Variants in RGS22 observed in about 807,000 individuals in gnomAD.
The protein encoded by RGS22 is regulator of G-protein signaling 22.
A neutral mutation model predicts 172.9 loss-of-function variants in RGS22; 148 were observed. That is an observed-to-expected ratio of 0.86 (90% CI 0.75 to 0.98). RGS22 has a LOEUF of 0.98. Ranked by LOEUF, RGS22 falls within the 50% of genes least tolerant of loss-of-function variation. The pLI is 0.00. For missense variants in RGS22, 1,347 were observed against 1,440.8 expected (o/e 0.93, Z 1.05); for synonymous variants, 458 against 480.2 (o/e 0.95, Z 0.60).
intron 14 of RGS22, among the ~76,000 whole-genome samples, chr8:100,032,036 ACAAC>A (rs1449697875): frequency 2.0e-5 from 3 of 152,234 alleles, no homozygotes; most frequent in Admixed American, 1.3e-4. Flanking sequence ...ATGGAAAGGA[ACAAC>A]CAGTACCAGC....
chr8:100,019,945 TGCAATCTCGGCTCACC>T (rs66621045), intron 14 of RGS22, among the ~76,000 whole-genome samples: 86,501 of 151,204 alleles, frequency 0.57, 24,917 homozygotes, highest in Admixed American at 0.63. Flanking sequence ...AGTGCAATGG[TGCAATCTCGGCTCACC>T]GCAACCTCCG....
At chr8:99,977,633 A>G (rs997951148) in intron 23 of RGS22, among the ~76,000 whole-genome samples, 1 of 152,224 alleles carries the variant, frequency 6.6e-6, no homozygotes, top group Non-Finnish European at 1.5e-5. Flanking sequence ...TCACAGGACT[A>G]TATAAAGCAT....
At chr8:99,987,280 A>G (rs1813197217) in intron 21 of RGS22, among the ~76,000 whole-genome samples, 178 bp downstream of exon 21, 2 of 152,306 alleles carry the variant, frequency 1.3e-5, no homozygotes, top group South Asian at 4.1e-4. Context: ...ACTGTATAAT[A>G]ATAAATGTAT....
chr8:99,983,371 A>G (rs1812750931), intron 21 of RGS22, among the ~76,000 whole-genome samples: 1 of 152,148 alleles, frequency 6.6e-6, no homozygotes, highest in Non-Finnish European at 1.5e-5. Flanking sequence ...TTCTTTGAGA[A>G]ATCTCCAGAC....
At chr8:100,078,456 G>A (rs1269447331) in intron 4 of RGS22, among the ~76,000 whole-genome samples, 2 of 150,580 alleles carry the variant, frequency 1.3e-5, no homozygotes, top group Non-Finnish European at 3.0e-5. Context: ...TGATTAATGT[G>A]ATACTAATTA....
At chr8:100,096,629 G>T in intron 2 of RGS22, among the ~76,000 whole-genome samples, 1 of 147,304 alleles carries the variant, frequency 6.8e-6, no homozygotes, top group African/African-American at 2.5e-5. Context: ...TTTGAGACAG[G>T]TTCTTGCTCT....
chr8:100,092,362 T>A (rs1288624957), intron 3 of RGS22, among the ~76,000 whole-genome samples: 4 of 152,158 alleles, frequency 2.6e-5, no homozygotes, highest in Non-Finnish European at 5.9e-5. Context: ...TTCCTTAATG[T>A]GGTTTGAATG....
chr8:99,974,032 C>CA (rs1811659088), intron 23 of RGS22, among the ~76,000 whole-genome samples: 1 of 152,008 alleles, frequency 6.6e-6, no homozygotes, highest in Admixed American at 6.6e-5. Context: ...AAAAGTGTAG[C>CA]AAAATGGGTA....
At chr8:100,007,053 A>G (rs1815804231) in intron 15 of RGS22, among the ~76,000 whole-genome samples, 1 of 152,174 alleles carries the variant, frequency 6.6e-6, no homozygotes, top group Non-Finnish European at 1.5e-5. Flanking sequence ...ATGCATTTTT[A>G]TAATAAAAAG....
intron 6 of RGS22, 127 bp from the exon 7 acceptor site, chr8:100,066,423 T>C (rs1341644745): frequency 5.8e-6 from 4 of 685,224 alleles, no homozygotes; most frequent in Non-Finnish European, 9.2e-6. Flanking sequence ...AATTATCTCA[T>C]GAAGGAAAAT....
chr8:100,000,339 A>G (rs1814902141), intron 18 of RGS22, among the ~76,000 whole-genome samples: 2 of 152,134 alleles, frequency 1.3e-5, no homozygotes, highest in South Asian at 4.1e-4. Flanking sequence ...CTTTAATAAT[A>G]TCATTAAATA....
At chr8:100,077,975 C>T (rs889601877) in intron 4 of RGS22, among the ~76,000 whole-genome samples, 1 of 151,946 alleles carries the variant, frequency 6.6e-6, no homozygotes, top group Admixed American at 6.6e-5. Flanking sequence ...TGTAATGTTC[C>T]TCTTTATCCA....
At chr8:99,987,410 C>G in intron 21 of RGS22, 48 bp downstream of exon 21, 2 of 1,398,446 alleles carry the variant, frequency 1.4e-6, no homozygotes, top group Non-Finnish European at 1.9e-6. Flanking sequence ...CATTTTAATG[C>G]ATTTCCTCCT....
intron 3 of RGS22, chr8:100,091,764 G>A (rs181408320): frequency 2.0e-5 from 3 of 152,268 alleles, no homozygotes; most frequent in Admixed American, 2.0e-4. Flanking sequence ...AGTGGAGATT[G>A]CAGAGCCCAC....
rs1169829019 is a variant in RGS22, at chr8:100,092,764, C to T, written c.117+683G>A. Among the ~76,000 whole-genome samples the T allele has an allele frequency of 3.9e-5, 6 of 152,176 alleles. No homozygotes were observed. In the South Asian group the frequency reaches 6.2e-4, roughly 16 times the overall value. ...GCTATAGCAGCATAGACTATATGGACTAGGACATCCCTTAATACTCACAAT... is the reference window on the plus strand; with the variant it reads ...GCTATAGCAGCATAGACTATATGGATTAGGACATCCCTTAATACTCACAAT... On this transcript the variant is annotated intron_variant, in intron 3 of 27. Coordinates refer to ENST00000360863, the MANE Select transcript of RGS22 (RefSeq NM_015668.5).
intron 2 of RGS22, among the ~76,000 whole-genome samples, chr8:100,104,570 C>G (rs1813775605): frequency 6.6e-6 from 1 of 152,134 alleles, no homozygotes; most frequent in African/African-American, 2.4e-5. Context: ...TTAGCCCTTT[C>G]TTCTCTCTTA....
chr8:100,026,129 T>C, intron 14 of RGS22, among the ~76,000 whole-genome samples: 1 of 152,200 alleles, frequency 6.6e-6, no homozygotes, highest in African/African-American at 2.4e-5. Flanking sequence ...TTTATATTGA[T>C]TTACTGGTTT....
intron 13 of RGS22, 105 bp from the exon 14 acceptor site, chr8:100,039,137 T>C (rs1158373783): frequency 2.0e-6 from 1 of 500,008 alleles, no homozygotes; most frequent in Non-Finnish European, 3.4e-6. Context: ...GCTGTTACCA[T>C]AAATCAGGTT....
intron 14 of RGS22, among the ~76,000 whole-genome samples, chr8:100,019,215 CGTTCCAATGA>C (rs1359947778): frequency 2.0e-5 from 3 of 152,314 alleles, no homozygotes; most frequent in African/African-American, 7.2e-5. Flanking sequence ...CACTTATCTG[CGTTCCAATGA>C]AAACAAGAAC....
Sources: gnomAD v4.1 joint callset for allele counts (sites outside exome capture counted in the v4.1 genomes callset) on GRCh38, gnomAD v4.1.1 for gene constraint, MANE v1.5 for transcripts, NCBI Gene and HGNC (gene_info 2026-07-23, HGNC 2026-07-21) for gene names.